Variants in MRM3 observed in about 807,000 individuals in gnomAD.
MRM3 encodes mitochondrial rRNA methyltransferase 3, also known as rRNA methyltransferase 3, mitochondrial.
MRM3 carries 26 observed loss-of-function variants against 29.4 expected under a neutral mutation model. The ratio of observed to expected loss-of-function variants is 0.89; its 90% CI spans 0.65 to 1.23. MRM3 has a LOEUF of 1.23. MRM3 is among the 50% of genes most tolerant of loss of function. The probability of loss-of-function intolerance (pLI) is 0.00; values close to 1 mark genes in which losing one functional copy is unlikely to be tolerated. For synonymous variants in MRM3, 225 were observed against 219.0 expected (o/e 1.03, Z -0.24); for missense variants, 578 against 540.2 (o/e 1.07, Z -0.69).
At chr17:783,444 C>T in intron 2 of MRM3, 117 bp downstream of exon 2, 1 of 1,064,502 alleles carries the variant, frequency 9.4e-7, no homozygotes, top group Non-Finnish European at 1.3e-6. Flanking sequence ...TCAAGGGATT[C>T]TCTTGCCTCA....
chr17:783,965 G>A (rs1463707878), intron 2 of MRM3, among the ~76,000 whole-genome samples: 1 of 152,160 alleles, frequency 6.6e-6, no homozygotes, highest in African/African-American at 2.4e-5. Context: ...CTGCCAATGT[G>A]GTGATAACTG....
chr17:784,606 T>G (rs1311549362), intron 2 of MRM3, among the ~76,000 whole-genome samples: 1 of 152,164 alleles, frequency 6.6e-6, no homozygotes, highest in Non-Finnish European at 1.5e-5. Flanking sequence ...TTGAACTTCA[T>G]CATCATACCT....
In MRM3 at chr17:786,239, T is replaced by C. The variant is rs1005306802; in HGVS notation, c.560-1726T>C. Among the ~76,000 whole-genome samples the C allele has an allele frequency of 9.2e-5, 14 of 152,350 alleles. No homozygotes were observed. The East Asian group carries it at 2.7e-3, about 29-fold the overall frequency. On this transcript the variant is annotated intron_variant, in intron 2 of 3. Transcript: ENST00000304478. ...CCTCAGCCTCCTGAGTAGCTGGGAT[T>C]ACAGGCATGCGCCACCATGCCTGGC...
At chr17:788,617 C>T (rs2144525819) in intron 3 of MRM3, among the ~76,000 whole-genome samples, 1 of 152,208 alleles carries the variant, frequency 6.6e-6, no homozygotes, top group South Asian at 2.1e-4. Flanking sequence ...TATGCCCAGC[C>T]AAGTCAATCA....
chr17:788,640 C>T (rs1910651848), intron 3 of MRM3, among the ~76,000 whole-genome samples: 1 of 152,184 alleles, frequency 6.6e-6, no homozygotes, highest in Admixed American at 6.5e-5. Flanking sequence ...GTTAGGTGAG[C>T]TATGGCTCTG....
At position 782,631 on chromosome 17, in the gene MRM3, A is replaced by G. The variant is rs1301498939; in HGVS notation, c.253A>G (p.Ser85Gly). The G allele has an allele frequency of 2.4e-5, 39 of 1,613,682 alleles. No individual in the cohort carries two copies. The highest frequency in any genetic ancestry group is 3.1e-5 in the Non-Finnish European group (37 of 1,179,842). The change falls in exon 1 of 4, where the codon AGC becomes GGC. Residue 85 changes from serine (S) to glycine (G), a missense_variant. Coordinates refer to ENST00000304478, the MANE Select transcript of MRM3 (RefSeq NM_018146.4). ...CGAGGAGTCCGCATCCCGCGCTCCC[A>G]GCACCTGGGAAGAGTCTGGGCTTCG... Reference protein sequence around the residue: ...PLEESASRAPSTWEESGLRYD... With the variant: ...PLEESASRAPGTWEESGLRYD...
chr17:783,108 A>G lies in MRM3; in HGVS notation c.340A>G (p.Arg114Gly), dbSNP rs764346542. The G allele has an allele frequency of 6.2e-7, 1 of 1,613,670 alleles. No individual in the cohort carries two copies. Among genetic ancestry groups the G allele is most frequent in the East Asian group, 2.2e-5 (1 of 44,864 alleles). Residue 114 changes from arginine (R) to glycine (G), a missense_variant, in exon 2 of 4, where the codon AGG (arginine) becomes GGG (glycine). Coordinates refer to ENST00000304478, the MANE Select transcript of MRM3 (RefSeq NM_018146.4). Reference protein sequence around the residue: ...LSSVMTIVKSRPFREKQGKIL... With the variant: ...LSSVMTIVKSGPFREKQGKIL... ...CAGTGTAATGACAATAGTAAAGTCCAGGCCATTTCGGGAAAAACAAGGGAA... is the reference window on the plus strand; with the variant it reads ...CAGTGTAATGACAATAGTAAAGTCCGGGCCATTTCGGGAAAAACAAGGGAA...
chr17:786,642 C>A (rs57974681), intron 2 of MRM3, among the ~76,000 whole-genome samples: 2,092 of 152,100 alleles, frequency 0.014, 49 homozygotes, highest in African/African-American at 0.048. Flanking sequence ...AACTCCTGAC[C>A]TTGTGATCCG....
Position 787,768 on chromosome 17 carries a change from C to T in MRM3, c.560-197C>T, listed in dbSNP as rs932754127. On this transcript the variant is annotated intron_variant, in intron 2 of 3. Transcript: ENST00000304478. The surrounding 1 kb of genome is among the most constrained non-coding windows in gnomAD (Gnocchi z 4.1). ...TTTGCCACGTTGGCCAGGCTGGTCT[C>T]GGACTCCTGACCTCAGGTGATCCAC... Among the ~76,000 whole-genome samples, 113 of 152,162 alleles carry T rather than the reference C, an allele frequency of 7.4e-4. No homozygotes were observed. The highest frequency in any genetic ancestry group is 2.5e-3 in the African/African-American group (102 of 41,442).
intron 2 of MRM3, among the ~76,000 whole-genome samples, chr17:786,511 A>G (rs537235198): frequency 6.6e-6 from 1 of 152,028 alleles, no homozygotes; most frequent in East Asian, 1.9e-4. Context: ...TCCTAACCTC[A>G]TGATCCGCCC....
Position 792,240 on chromosome 17 carries a change from A to ATTC in MRM3, c.*175_*177dup. ...ACTTCCTCAGAAAGAACAGGTCCGA[A>ATTC]TTCTTCCTGTCGCGTCACTGATTTT... On this transcript the variant is annotated 3_prime_UTR_variant, in exon 4 of 4. Coordinates refer to ENST00000304478, the MANE Select transcript of MRM3 (RefSeq NM_018146.4). 3 of 627,618 alleles carry ATTC rather than the reference A, an allele frequency of 4.8e-6. No homozygotes were observed. Among genetic ancestry groups the ATTC allele is most frequent in the Non-Finnish European group, 5.2e-6 (2 of 381,066 alleles). The allele number at this position is 627,618 out of a possible 1,614,324, so 38.9% of individuals were successfully genotyped here.
chr17:786,476 C>T (rs866200352), intron 2 of MRM3, among the ~76,000 whole-genome samples: 77 of 152,252 alleles, frequency 5.1e-4, no homozygotes, highest in African/African-American at 1.8e-3. Context: ...AGGGTTTCAC[C>T]GTATTAGCCA....
intron 2 of MRM3, among the ~76,000 whole-genome samples, chr17:784,487 A>G (rs1451954199): frequency 6.6e-6 from 1 of 151,284 alleles, no homozygotes; most frequent in Non-Finnish European, 1.5e-5. Flanking sequence ...TGGCCAGCCC[A>G]TCTTGAACTT....
chr17:782,735 C>T (rs764279864), intron 1 of MRM3, 43 bp downstream of exon 1: 17 of 1,550,328 alleles, frequency 1.1e-5, no homozygotes, highest in African/African-American at 8.2e-5. Context: ...CGTTTCCCTT[C>T]CCGTCGCACA....
intron 2 of MRM3, among the ~76,000 whole-genome samples, chr17:786,995 C>T (rs1910563785): frequency 6.6e-6 from 1 of 152,146 alleles, no homozygotes; most frequent in African/African-American, 2.4e-5. Flanking sequence ...GTAATCCCAG[C>T]ACTTTGGGAG....
intron 3 of MRM3, 27 bp from the exon 4 acceptor site, chr17:791,507 C>A: frequency 6.2e-7 from 1 of 1,601,926 alleles, no homozygotes; most frequent in African/African-American, 1.3e-5. Context: ...TTTGTAACAT[C>A]TTGATTGTTT....
intron 1 of MRM3, 52 bp downstream of exon 1, chr17:782,744 C>T (rs753931916): frequency 3.3e-6 from 5 of 1,537,212 alleles, no homozygotes; most frequent in South Asian, 1.2e-5. Flanking sequence ...TCCCGTCGCA[C>T]AGCGGAACCT....
chr17:788,842 C>T (rs990425709), intron 3 of MRM3, among the ~76,000 whole-genome samples: 1 of 152,176 alleles, frequency 6.6e-6, no homozygotes, highest in Non-Finnish European at 1.5e-5. Context: ...AGCAGTAGTC[C>T]CTGAAGTGTC....
Position 787,260 on chromosome 17 carries a change from A to T in MRM3, c.560-705A>T, listed in dbSNP as rs1471863111. ...GAGAGTGGGACTCTGTCTCAAAAAA[A>T]AATAGCCTACAGCAGTTAAAGGAAA... On this transcript the variant is annotated intron_variant, in intron 2 of 3. Coordinates refer to ENST00000304478, the MANE Select transcript of MRM3 (RefSeq NM_018146.4). The surrounding 1 kb of genome is among the most constrained non-coding windows in gnomAD (Gnocchi z 4.1). Among the ~76,000 whole-genome samples, 1 of 152,212 alleles carries T rather than the reference A, an allele frequency of 6.6e-6. No homozygotes were observed. The highest frequency in any genetic ancestry group is 1.5e-5 in the Non-Finnish European group (1 of 68,048).
Sources: allele counts gnomAD v4.1 joint callset (sites outside exome capture counted in the v4.1 genomes callset), GRCh38; gene constraint gnomAD v4.1.1; non-coding constraint Gnocchi (gnomAD v3.1); transcripts MANE v1.5; gene names NCBI Gene and HGNC (gene_info 2026-07-23, HGNC 2026-07-21).